MGAT4C: variants seen among roughly 807,000 people sequenced by gnomAD.
MGAT4C encodes the protein alpha-1,3-mannosyl-glycoprotein 4-beta-N-acetylglucosaminyltransferase C.
Under a neutral mutation model 40.1 loss-of-function variants are expected in MGAT4C, and 19 were observed. That is an observed-to-expected ratio of 0.47 (90% CI 0.33 to 0.70). The LOEUF (loss-of-function observed/expected upper bound fraction) is 0.70. MGAT4C is among the 30% of genes least tolerant of loss of function. The pLI is 0.02. For missense variants in MGAT4C, 491 were observed against 563.2 expected (o/e 0.87, Z 1.30); for synonymous variants, 181 against 187.1 (o/e 0.97, Z 0.27).
chr12:86,736,804 T>C (rs1950992420), intron 1 of MGAT4C, among the ~76,000 whole-genome samples: 1 of 151,780 alleles, frequency 6.6e-6, no homozygotes. Flanking sequence ...TTCACATCCA[T>C]TTTCCCACAT....
intron 1 of MGAT4C, among the ~76,000 whole-genome samples, chr12:86,142,562 C>A (rs943902841): frequency 1.3e-5 from 2 of 152,144 alleles, no homozygotes; most frequent in Admixed American, 6.6e-5. Context: ...ATTTTCATAG[C>A]TGTAGTTCTG....
At chr12:86,676,302 C>T (rs184549687) in intron 2 of MGAT4C, among the ~76,000 whole-genome samples, 14 of 152,242 alleles carry the variant, frequency 9.2e-5, no homozygotes, top group African/African-American at 3.4e-4. Context: ...CTGTAGAGAA[C>T]ATGGTGGAAA....
intron 2 of MGAT4C, among the ~76,000 whole-genome samples, chr12:86,496,375 C>T (rs907647263): frequency 6.6e-6 from 1 of 151,898 alleles, no homozygotes; most frequent in Non-Finnish European, 1.5e-5. Context: ...TGTGAATGAG[C>T]GTAATAATTA....
At chr12:86,680,916 C>A (rs1223767641) in intron 2 of MGAT4C, among the ~76,000 whole-genome samples, 1 of 151,868 alleles carries the variant, frequency 6.6e-6, no homozygotes, top group African/African-American at 2.4e-5. Context: ...AGAAAACAAT[C>A]TTATTTATTA....
rs141555799 is a variant in MGAT4C at position 86,335,009 on chromosome 12, A to C, written c.-119-882T>G. Among the ~76,000 whole-genome samples, 23 of 151,940 alleles carry C rather than the reference A, an allele frequency of 1.5e-4. No homozygotes were observed. In the East Asian group the frequency reaches 4.1e-3, roughly 27 times the overall value. The stretch of plus-strand genomic sequence containing the variant: ...TTGAATATTTAAAATTTTAACTGCT[A>C]TGTATTATTCCCCAGTTTATTTAAA... On this transcript the variant is annotated intron_variant, in intron 3 of 7. Transcript: ENST00000548651.
chr12:86,604,424 C>G (rs1457082175), intron 2 of MGAT4C, among the ~76,000 whole-genome samples: 1 of 151,944 alleles, frequency 6.6e-6, no homozygotes, highest in Non-Finnish European at 1.5e-5. Context: ...TGAGGGCTTT[C>G]CAGGGAACAG....
chr12:86,602,989 C>T (rs1051345909), intron 2 of MGAT4C, among the ~76,000 whole-genome samples: 9 of 151,302 alleles, frequency 5.9e-5, no homozygotes, highest in Non-Finnish European at 1.0e-4. Flanking sequence ...AAGCATATTA[C>T]GCTACGTGAA....
Position 86,281,005 on chromosome 12 carries a change from T to C in MGAT4C, c.-57+53060A>G, listed in dbSNP as rs1055881941. Among the ~76,000 whole-genome samples, 15 of 152,210 alleles carry C rather than the reference T, an allele frequency of 9.9e-5. No homozygotes were observed. In the East Asian group the frequency reaches 2.7e-3, roughly 27 times the overall value. ...CCAGTAATATTATTATTGACATGGTTATGTCCGTCATCTTGCTATTTATAT... is the reference window on the plus strand; with the variant it reads ...CCAGTAATATTATTATTGACATGGTCATGTCCGTCATCTTGCTATTTATAT... On this transcript the variant is annotated intron_variant, in intron 4 of 7. Transcript: ENST00000548651.
intron 1 of MGAT4C, among the ~76,000 whole-genome samples, chr12:86,802,696 C>G (rs1460495090): frequency 6.7e-6 from 1 of 148,214 alleles, no homozygotes; most frequent in Admixed American, 6.8e-5. Context: ...ACCTAGGAAT[C>G]CAACTTACAA....
intron 1 of MGAT4C, among the ~76,000 whole-genome samples, chr12:86,195,558 A>G (rs757466867): frequency 6.6e-6 from 1 of 152,144 alleles, no homozygotes; most frequent in African/African-American, 2.4e-5. Flanking sequence ...ACTAAAATAT[A>G]AAGATTTATT....
chr12:86,460,853 G>C (rs945791793), intron 2 of MGAT4C, among the ~76,000 whole-genome samples: 3 of 151,998 alleles, frequency 2.0e-5, no homozygotes, highest in Non-Finnish European at 4.4e-5. Flanking sequence ...AATGTCAATA[G>C]TAAACAAGGT....
At chr12:86,246,236 A>G (rs932002411) in intron 1 of MGAT4C, among the ~76,000 whole-genome samples, 2 of 121,784 alleles carry the variant, frequency 1.6e-5, no homozygotes, top group Non-Finnish European at 3.1e-5. Flanking sequence ...CCAAGGCTGG[A>G]GCGCAGTGGC....
At chr12:86,398,012 G>C (rs1956291222) in intron 3 of MGAT4C, among the ~76,000 whole-genome samples, 2 of 152,100 alleles carry the variant, frequency 1.3e-5, no homozygotes, top group Admixed American at 1.3e-4. Flanking sequence ...AGAATATTTG[G>C]AAGTTTGTAT....
At chr12:86,060,258 T>C (rs900716024) in intron 1 of MGAT4C, among the ~76,000 whole-genome samples, 11 of 152,210 alleles carry the variant, frequency 7.2e-5, no homozygotes, top group Non-Finnish European at 1.6e-4. Flanking sequence ...TTTTCAATTA[T>C]AGAATTTTCT....
intron 1 of MGAT4C, among the ~76,000 whole-genome samples, chr12:86,169,097 A>G (rs2135823975): frequency 6.6e-6 from 1 of 152,256 alleles, no homozygotes; most frequent in South Asian, 2.1e-4. Flanking sequence ...ATCTCTTATT[A>G]TCTGAGTATC....
intron 1 of MGAT4C, among the ~76,000 whole-genome samples, chr12:86,161,107 C>T (rs75494962): frequency 1.3e-5 from 2 of 152,094 alleles, no homozygotes; most frequent in Non-Finnish European, 2.9e-5. Context: ...AGATACAATG[C>T]TCTTTCTTTC....
At chr12:86,621,030 C>T (rs747382718) in intron 2 of MGAT4C, among the ~76,000 whole-genome samples, 9 of 152,044 alleles carry the variant, frequency 5.9e-5, no homozygotes, top group Non-Finnish European at 1.3e-4. Context: ...GGTATGTCTT[C>T]ATATCAACGT....
At chr12:86,573,418 GA>G (rs1409656317) in intron 2 of MGAT4C, among the ~76,000 whole-genome samples, 1 of 151,938 alleles carries the variant, frequency 6.6e-6, no homozygotes, top group African/African-American at 2.4e-5. Flanking sequence ...TTATAAAAGA[GA>G]AAGAAATTGA....
At chr12:86,603,427 G>C (rs28759809) in intron 2 of MGAT4C, among the ~76,000 whole-genome samples, 1 of 106,992 alleles carries the variant, frequency 9.3e-6, no homozygotes, top group Non-Finnish European at 1.8e-5. Flanking sequence ...ATAGTATATA[G>C]TATATATACT....
Sources: allele counts gnomAD v4.1 joint callset (sites outside exome capture counted in the v4.1 genomes callset), GRCh38; gene constraint gnomAD v4.1.1; transcripts MANE v1.5; gene names NCBI Gene and HGNC (gene_info 2026-07-23, HGNC 2026-07-21).